Variants in SNTB1 observed in about 807,000 individuals in gnomAD.
SNTB1 encodes beta-1-syntrophin.
In SNTB1, 36 loss-of-function variants were observed where a neutral mutation model predicts 48.9. That is an observed-to-expected ratio of 0.74 (90% confidence interval 0.56 to 0.97). The LOEUF is 0.97. SNTB1 is among the 50% of genes least tolerant of loss of function. The pLI is 0.00. For missense variants in SNTB1, 786 were observed against 703.4 expected, an observed-to-expected ratio of 1.12 and a Z score of -1.33; for synonymous variants, 299 against 294.6, an observed-to-expected ratio of 1.01 and a Z score of -0.15.
At chr8:120,560,167 G>C (rs1815628609) in intron 4 of SNTB1, among the ~76,000 whole-genome samples, 1 of 152,126 alleles carries the variant, frequency 6.6e-6, no homozygotes, top group Non-Finnish European at 1.5e-5. Context: ...CCAATCAATT[G>C]CCTCATTTAT....
intron 2 of SNTB1, among the ~76,000 whole-genome samples, chr8:120,683,610 C>G (rs1241312163): frequency 6.6e-6 from 1 of 151,828 alleles, no homozygotes; most frequent in Non-Finnish European, 1.5e-5. Flanking sequence ...TGGAATTTGA[C>G]AAATAAAAGA....
At chr8:120,542,585 C>A (rs911613985) in intron 5 of SNTB1, among the ~76,000 whole-genome samples, 4 of 152,040 alleles carry the variant, frequency 2.6e-5, no homozygotes, top group African/African-American at 9.7e-5. Context: ...ACTTGGGAGG[C>A]AGAGGTTGCA....
intron 2 of SNTB1, among the ~76,000 whole-genome samples, chr8:120,663,942 A>G (rs1288395099): frequency 1.3e-5 from 2 of 152,202 alleles, no homozygotes; most frequent in Non-Finnish European, 2.9e-5. Context: ...TATTTAGGAA[A>G]TTGCGTCCTC....
chr8:120,769,681 C>T (rs370230664), intron 1 of SNTB1: 1 of 152,216 alleles, frequency 6.6e-6, no homozygotes, highest in Non-Finnish European at 1.5e-5. Context: ...GCCATCTCAG[C>T]CTAGGGGTTG....
intron 4 of SNTB1, among the ~76,000 whole-genome samples, chr8:120,555,661 A>G (rs1209839395): frequency 6.6e-6 from 1 of 152,218 alleles, no homozygotes; most frequent in African/African-American, 2.4e-5. Context: ...TTCATTAAAA[A>G]GAACAGCCTT....
intron 1 of SNTB1, among the ~76,000 whole-genome samples, chr8:120,761,799 C>T (rs1819425027): frequency 6.6e-6 from 1 of 152,188 alleles, no homozygotes; most frequent in African/African-American, 2.4e-5. Context: ...ACGATTATAA[C>T]ATTGAATAGA....
At position 120,583,560 on chromosome 8, in the gene SNTB1, C is replaced by CAAAAAA. The variant is rs1554646118; in HGVS notation, c.997-8336_997-8335insTTTTTT. 5.6e-4 allele frequency among the ~76,000 whole-genome samples: 76 copies of CAAAAAA among 134,712 alleles called. 1 individual carries two copies. The highest frequency in any genetic ancestry group is 1.9e-3 in the African/African-American group (70 of 36,600). The allele number at this position is 134,712 out of a possible 152,430, so 88.4% of individuals were successfully genotyped here. ...ACACACACACACACACACACACACA[C>CAAAAAA]AAAACTGGAACAGTACTATCTCTCT... On this transcript the variant is annotated intron_variant, in intron 3 of 6. Transcript: ENST00000517992.
At chr8:120,683,171 G>A (rs1175086569) in intron 2 of SNTB1, among the ~76,000 whole-genome samples, 1 of 152,036 alleles carries the variant, frequency 6.6e-6, no homozygotes, top group East Asian at 1.9e-4. Context: ...GTGAGCCACC[G>A]CACCCGGCCT....
intron 1 of SNTB1, among the ~76,000 whole-genome samples, chr8:120,766,348 T>C (rs77352796): frequency 0.023 from 3,493 of 152,288 alleles, 132 homozygotes; most frequent in African/African-American, 0.08. Context: ...TGACCGATTA[T>C]AAAGCCCACA....
rs12386988 is a variant in SNTB1 at position 120,796,678 on chromosome 8, A to C, written c.571+14595T>G. Among the ~76,000 whole-genome samples the C allele has an allele frequency of 2.1e-3, 314 of 152,176 alleles. 1 individual carries two copies. The highest frequency in any genetic ancestry group is 7.2e-3 in the African/African-American group (300 of 41,552). On this transcript the variant is annotated intron_variant, in intron 1 of 6. Transcript: ENST00000517992. ...GGAAAGCATGCTGTTTTCACACAGCATGAAAATAGGCAGGGGCAGACAGGA... is the reference window on the plus strand; with the variant it reads ...GGAAAGCATGCTGTTTTCACACAGCCTGAAAATAGGCAGGGGCAGACAGGA...
At chr8:120,589,541 A>G (rs1816204758) in intron 3 of SNTB1, among the ~76,000 whole-genome samples, 1 of 152,220 alleles carries the variant, frequency 6.6e-6, no homozygotes, top group Non-Finnish European at 1.5e-5. Context: ...AGTTGCTTAA[A>G]CAACAACATT....
intron 3 of SNTB1, among the ~76,000 whole-genome samples, chr8:120,615,757 G>C (rs147589053): frequency 2.1e-3 from 315 of 152,218 alleles, no homozygotes; most frequent in African/African-American, 7.4e-3. Flanking sequence ...TGAATCGAAC[G>C]GAGGTAAAAA....
chr8:120,707,386 C>T (rs941210991), intron 1 of SNTB1, among the ~76,000 whole-genome samples: 2 of 152,124 alleles, frequency 1.3e-5, no homozygotes, highest in African/African-American at 4.8e-5. Flanking sequence ...CTTAGCTTGG[C>T]CTTGCTTCAT....
chr8:120,751,609 A>G (rs1041710668), intron 1 of SNTB1, among the ~76,000 whole-genome samples: 1 of 152,032 alleles, frequency 6.6e-6, no homozygotes, highest in Non-Finnish European at 1.5e-5. Context: ...TAAGCATTTG[A>G]CTTATGTTGA....
intron 4 of SNTB1, among the ~76,000 whole-genome samples, chr8:120,565,110 G>T (rs1268090112): frequency 6.7e-6 from 1 of 148,958 alleles, no homozygotes; most frequent in Non-Finnish European, 1.5e-5. Flanking sequence ...CTGCTAACAG[G>T]ATGGATTTTA....
chr8:120,645,010 G>A (rs2129686826), intron 2 of SNTB1, among the ~76,000 whole-genome samples: 1 of 150,128 alleles, frequency 6.7e-6, no homozygotes, highest in Non-Finnish European at 1.5e-5. Flanking sequence ...TGATGGGGTT[G>A]TTTGTTTTTT....
At chr8:120,649,515 T>C (rs1172157483) in intron 2 of SNTB1, among the ~76,000 whole-genome samples, 1 of 141,340 alleles carries the variant, frequency 7.1e-6, no homozygotes, top group African/African-American at 2.6e-5. Context: ...GAGGAGGCAG[T>C]CTGCCCGTTC....
Position 120,791,097 on chromosome 8 carries a change from G to C in SNTB1, c.571+20176C>G, listed in dbSNP as rs28837129. ...ATAGCAACCAAAACAGCATGGTGCT[G>C]GTATGAAAGTAGACACATAGACCAT... On this transcript the variant is annotated intron_variant, in intron 1 of 6. Coordinates refer to ENST00000517992, the MANE Select transcript of SNTB1 (RefSeq NM_021021.4). Among the ~76,000 whole-genome samples, 356 of 151,726 alleles carry C rather than the reference G, an allele frequency of 2.3e-3. 1 individual carries two copies. Among genetic ancestry groups the C allele is most frequent in the African/African-American group, 8.2e-3 (340 of 41,392 alleles).
intron 3 of SNTB1, among the ~76,000 whole-genome samples, chr8:120,600,105 G>T (rs1198759342): frequency 6.6e-6 from 1 of 152,160 alleles, no homozygotes; most frequent in Non-Finnish European, 1.5e-5. Flanking sequence ...GTTTAAGGAG[G>T]GCCACAAATC....
Sources: gnomAD v4.1 joint callset for allele counts (sites outside exome capture counted in the v4.1 genomes callset) on GRCh38, gnomAD v4.1.1 for gene constraint, MANE v1.5 for transcripts, NCBI Gene and HGNC (gene_info 2026-07-23, HGNC 2026-07-21) for gene names.